Variants in EIF4EBP2 observed in about 807,000 individuals in gnomAD.
EIF4EBP2 encodes the protein eukaryotic translation initiation factor 4E binding protein 2, also known as eukaryotic translation initiation factor 4E-binding protein 2.
Under a neutral mutation model 10.3 loss-of-function variants are expected in EIF4EBP2, and 5 were observed. The observed-to-expected ratio is 0.48, with a 90% confidence interval of 0.25 to 1.02. The LOEUF (loss-of-function observed/expected upper bound fraction) is 1.02. Ranked by LOEUF, EIF4EBP2 falls within the 50% of genes least tolerant of loss-of-function variation. The probability of loss-of-function intolerance (pLI) is 0.15; values close to 1 mark genes in which losing one functional copy is unlikely to be tolerated. For missense variants in EIF4EBP2, 188 were observed against 162.2 expected, an observed-to-expected ratio of 1.16 and a Z score of -0.86; for synonymous variants, 67 against 61.1, an observed-to-expected ratio of 1.10 and a Z score of -0.45.
chr10:70,409,104 G>A (rs1210746658), intron 1 of EIF4EBP2, among the ~76,000 whole-genome samples: 1 of 152,110 alleles, frequency 6.6e-6, no homozygotes, highest in East Asian at 1.9e-4. Context: ...TATTCATTGG[G>A]GATCACAGGA....
intron 1 of EIF4EBP2, among the ~76,000 whole-genome samples, chr10:70,407,894 C>T (rs113498462): frequency 6.8e-4 from 92 of 134,904 alleles, no homozygotes; most frequent in South Asian, 3.5e-3. Context: ...GGCGGCTGGC[C>T]GGGCAGAGGG....
intron 2 of EIF4EBP2, among the ~76,000 whole-genome samples, chr10:70,421,260 G>T (rs1845154926): frequency 6.6e-6 from 1 of 152,170 alleles, no homozygotes; most frequent in Non-Finnish European, 1.5e-5. Context: ...CGGTAGGAGT[G>T]GCCAGCTCCT....
intron 1 of EIF4EBP2, among the ~76,000 whole-genome samples, chr10:70,415,529 C>T (rs911508327): frequency 3.9e-5 from 6 of 152,098 alleles, no homozygotes; most frequent in Non-Finnish European, 8.8e-5. Flanking sequence ...TTTGTGGTTT[C>T]AAAACTTATT....
At chr10:70,419,861 T>C (rs1380673618) in intron 1 of EIF4EBP2, 53 bp from the exon 2 acceptor site, 29 of 1,288,188 alleles carry the variant, frequency 2.3e-5, no homozygotes, top group Non-Finnish European at 3.1e-5. Context: ...GGTGGTATTA[T>C]ATGTTGATAA....
At chr10:70,413,012 T>C (rs796104971) in intron 1 of EIF4EBP2, among the ~76,000 whole-genome samples, 12 of 152,366 alleles carry the variant, frequency 7.9e-5, no homozygotes, top group African/African-American at 2.9e-4. Context: ...GTGCTTTTGC[T>C]GGCTACCATT....
intron 1 of EIF4EBP2, among the ~76,000 whole-genome samples, chr10:70,416,727 C>T (rs1047581230): frequency 6.9e-6 from 1 of 145,928 alleles, no homozygotes; most frequent in Non-Finnish European, 1.5e-5. Flanking sequence ...TGCAGTGGTG[C>T]AATCATGGCT....
In EIF4EBP2 at chr10:70,424,201, T is replaced by G. The variant is rs907556363; in HGVS notation, c.*2454T>G. On this transcript the variant is annotated 3_prime_UTR_variant, in exon 3 of 3. Coordinates refer to ENST00000373218, the MANE Select transcript of EIF4EBP2 (RefSeq NM_004096.5). ...GAGCTTTAGTAGTATCAAGATGCCA[T>G]TTTCCTTTTTCTTGCTGTCTTGGGG... 6.6e-6 allele frequency: 1 copy of G among 152,162 alleles called. No individual in the cohort carries two copies. The highest frequency in any genetic ancestry group is 1.5e-5 in the Non-Finnish European group (1 of 68,030). 9.4% of individuals were successfully genotyped at this position (152,162 alleles called of 1,614,324 possible).
chr10:70,405,788 A>G (rs1000353731), intron 1 of EIF4EBP2, among the ~76,000 whole-genome samples: 9 of 152,172 alleles, frequency 5.9e-5, no homozygotes, highest in African/African-American at 2.2e-4. Flanking sequence ...AGGGAGCTTT[A>G]CAGAGAAATT....
At chr10:70,414,895 G>A (rs151075207) in intron 1 of EIF4EBP2, among the ~76,000 whole-genome samples, 178 of 151,956 alleles carry the variant, frequency 1.2e-3, no homozygotes, top group Non-Finnish European at 1.7e-3. Flanking sequence ...AACTGGTCAC[G>A]CTTGTTATCC....
chr10:70,416,564 C>T (rs1031916060), intron 1 of EIF4EBP2, among the ~76,000 whole-genome samples: 19 of 125,432 alleles, frequency 1.5e-4, no homozygotes, highest in African/African-American at 1.3e-4. Flanking sequence ...GGTGACATAG[C>T]GAGACTCTGT....
rs1371547421 is a variant in EIF4EBP2, at chr10:70,425,199, AC to A, written c.*3454del. On this transcript the variant is annotated 3_prime_UTR_variant, in exon 3 of 3. Coordinates refer to ENST00000373218, the MANE Select transcript of EIF4EBP2 (RefSeq NM_004096.5). Reference sequence around the variant, plus strand: ...AGCATGAGTGTCCTCACACCATGACACCTGGCTTCTCCCTGAGCAGCTGATT... The same window carrying A: ...AGCATGAGTGTCCTCACACCATGACACTGGCTTCTCCCTGAGCAGCTGATT... 6.6e-6 allele frequency: 1 copy of A among 152,224 alleles called. No individual in the cohort carries two copies. The highest frequency in any genetic ancestry group is 1.5e-5 in the Non-Finnish European group (1 of 68,068). The allele number at this position is 152,224 out of a possible 1,614,324, so 9.4% of individuals were successfully genotyped here.
At chr10:70,407,759 G>T (rs1844991727) in intron 1 of EIF4EBP2, among the ~76,000 whole-genome samples, 1 of 143,146 alleles carries the variant, frequency 7.0e-6, no homozygotes, top group African/African-American at 2.6e-5. Flanking sequence ...CCCAGACGGG[G>T]CGGCTGGCCG....
chr10:70,422,030 A>G lies in EIF4EBP2; in HGVS notation c.*283A>G. The G allele has an allele frequency of 2.4e-6, 1 of 414,116 alleles. No individual in the cohort carries two copies. The highest frequency in any genetic ancestry group is 4.4e-6 in the Non-Finnish European group (1 of 229,508). The allele number at this position is 414,116 out of a possible 1,614,324, so 25.7% of individuals were successfully genotyped here. ...AGCAGCCCTTAGAGGAAAACAGTTC[A>G]ACTCTGACTTTCCTAGTTGTTTTTT... On this transcript the variant is annotated 3_prime_UTR_variant, in exon 3 of 3. Coordinates refer to ENST00000373218, the MANE Select transcript of EIF4EBP2 (RefSeq NM_004096.5).
chr10:70,419,873 C>G lies in EIF4EBP2; in HGVS notation c.146-41C>G, dbSNP rs565604330. On this transcript the variant is annotated intron_variant, in intron 1 of 2. Transcript: ENST00000373218. ...CTGGGTGGTATTATATGTTGATAACCCCTTAAATTGTTTCAAACTCTTTTT... is the reference window on the plus strand; with the variant it reads ...CTGGGTGGTATTATATGTTGATAACGCCTTAAATTGTTTCAAACTCTTTTT... 4 of 1,413,218 alleles carry G rather than the reference C, an allele frequency of 2.8e-6. No individual in the cohort carries two copies. In the African/African-American group the frequency reaches 5.8e-5, roughly 21 times the overall value. The allele number at this position is 1,413,218 out of a possible 1,614,324, so 87.5% of individuals were successfully genotyped here.
At position 70,404,565 on chromosome 10, in the gene EIF4EBP2, T is replaced by G. The variant is rs200484611; in HGVS notation, c.145+19T>G. 9.2e-4 allele frequency: 1,405 copies of G among 1,522,882 alleles called. 2 individuals carry two copies. The highest frequency in any genetic ancestry group is 1.1e-3 in the Non-Finnish European group (1,259 of 1,139,484). The allele number at this position is 1,522,882 out of a possible 1,614,324, so 94.3% of individuals were successfully genotyped here. ...CCGGGAGGTGAGCGCCGGCCAGCCG[T>G]CCGCCGCGCCCGGTGTCCCGCCGCG... On this transcript the variant is annotated intron_variant, in intron 1 of 2. Coordinates refer to ENST00000373218, the MANE Select transcript of EIF4EBP2 (RefSeq NM_004096.5).
At chr10:70,412,915 T>G (rs1230926636) in intron 1 of EIF4EBP2, among the ~76,000 whole-genome samples, 1 of 152,216 alleles carries the variant, frequency 6.6e-6, no homozygotes, top group African/African-American at 2.4e-5. Context: ...ATGTACATTT[T>G]GAAACAAAGC....
rs560638663 is a variant in EIF4EBP2, at chr10:70,420,970, A to G, written c.332-746A>G. Among the ~76,000 whole-genome samples the G allele has an allele frequency of 2.6e-5, 4 of 151,352 alleles. No individual in the cohort carries two copies. The South Asian group carries it at 6.3e-4, about 24-fold the overall frequency. On this transcript the variant is annotated intron_variant, in intron 2 of 2. Coordinates refer to ENST00000373218, the MANE Select transcript of EIF4EBP2 (RefSeq NM_004096.5). ...CCACCACGCCCGGCTAATTTTTTGTATTTTTTAGTAGAGACGGGGTTTCAC... is the reference window on the plus strand; with the variant it reads ...CCACCACGCCCGGCTAATTTTTTGTGTTTTTTAGTAGAGACGGGGTTTCAC...
intron 1 of EIF4EBP2, among the ~76,000 whole-genome samples, chr10:70,412,335 AT>A (rs1280561332): frequency 7.9e-6 from 1 of 126,248 alleles, no homozygotes; most frequent in East Asian, 2.7e-4. Context: ...GCGTGAGTAA[AT>A]GGTTAATTCT....
Position 70,421,782 on chromosome 10 carries a change from C to T in EIF4EBP2, c.*35C>T. On this transcript the variant is annotated 3_prime_UTR_variant, in exon 3 of 3. Transcript: ENST00000373218. ...AAGGATTAGAAGAAAAGCAGCAACA[C>T]TGATACTTGTGTGCACCTGATTTGG... The T allele has an allele frequency of 2.5e-6, 4 of 1,608,212 alleles. No individual in the cohort carries two copies. The highest frequency in any genetic ancestry group is 2.2e-5 in the East Asian group (1 of 44,844).
Sources: allele counts gnomAD v4.1 joint callset (sites outside exome capture counted in the v4.1 genomes callset), GRCh38; gene constraint gnomAD v4.1.1; transcripts MANE v1.5; gene names NCBI Gene and HGNC (gene_info 2026-07-23, HGNC 2026-07-21).